HTR2C: variants seen among roughly 807,000 people sequenced by gnomAD.
HTR2C encodes 5-hydroxytryptamine (serotonin) receptor 2C, G protein-coupled.
Under a neutral mutation model 21.0 loss-of-function variants are expected in HTR2C, and 5 were observed. The ratio of observed to expected loss-of-function variants is 0.24; its 90% CI spans 0.12 to 0.50. HTR2C has a LOEUF of 0.50. Ranked by LOEUF, HTR2C falls within the 20% of genes least tolerant of loss-of-function variation. The pLI, the probability that HTR2C is intolerant of heterozygous loss-of-function variation, is 0.98. For synonymous variants in HTR2C, 150 were observed against 145.3 expected (o/e 1.03, Z -0.23); for missense variants, 271 against 371.2 (o/e 0.73, Z 2.22).
intron 2 of HTR2C, among the ~76,000 whole-genome samples, chrX:114,709,196 T>A (rs781857830): frequency 3.7e-4 from 41 of 112,327 alleles, no homozygotes; most frequent in Middle Eastern, 9.5e-3. Flanking sequence ...CTTTCTTTTA[T>A]CATTAAAAAG....
rs895940242 is a variant in HTR2C, at chrX:114,809,452, C to T, written c.350-38551C>T. ...AGGCTGGAGTGCAGTGGCGCGATCT[C>T]GGGTCACTGCAACCTCTGCCTCCTG... On this transcript the variant is annotated intron_variant, in intron 4 of 5. Transcript: ENST00000276198. Among the ~76,000 whole-genome samples, 16 of 105,893 alleles carry T rather than the reference C, an allele frequency of 1.5e-4. No individual in the cohort carries two copies. The East Asian group carries it at 3.3e-3, about 22-fold the overall frequency. 92.0% of individuals were successfully genotyped at this position (105,893 alleles called of 115,157 possible).
chrX:114,734,758 T>G (rs1233866238), intron 4 of HTR2C, among the ~76,000 whole-genome samples: 1 of 110,167 alleles, frequency 9.1e-6, no homozygotes, highest in Non-Finnish European at 1.9e-5. Context: ...TGAAACTGTT[T>G]TATATCTTGA....
At chrX:114,766,371 C>A (rs1376389386) in intron 4 of HTR2C, among the ~76,000 whole-genome samples, 1 of 111,142 alleles carries the variant, frequency 9.0e-6, no homozygotes, top group Admixed American at 9.6e-5. Flanking sequence ...TGGTTAGTCC[C>A]AGCAAGAGAT....
At chrX:114,853,130 T>G in intron 5 of HTR2C, among the ~76,000 whole-genome samples, 1 of 111,541 alleles carries the variant, frequency 9.0e-6, no homozygotes, top group East Asian at 2.8e-4. Context: ...AATTTGCATC[T>G]ATTTTATTTG....
At chrX:114,776,491 C>T in intron 4 of HTR2C, 2 of 560,742 alleles carry the variant, frequency 3.6e-6, no homozygotes, top group South Asian at 2.4e-5. Flanking sequence ...CAGTATCATT[C>T]ACCATCATGA....
chrX:114,789,608 TA>T (rs1326044496), intron 4 of HTR2C, among the ~76,000 whole-genome samples: 8 of 109,017 alleles, frequency 7.3e-5, no homozygotes, highest in African/African-American at 2.7e-4. Context: ...CTCTGAAAAT[TA>T]AAAAAAAAGG....
Position 114,726,975 on chromosome X carries a change from A to C in HTR2C, c.35+4A>C. The C allele has an allele frequency of 9.4e-7, 1 of 1,065,864 alleles. No individual in the cohort carries two copies. The highest frequency in any genetic ancestry group is 1.3e-6 in the Non-Finnish European group (1 of 796,732). The allele number at this position is 1,065,864 out of a possible 1,213,427, so 87.8% of individuals were successfully genotyped here. On this transcript the variant is annotated splice_donor_region_variant and intron_variant, in intron 3 of 5. Transcript: ENST00000276198. The stretch of plus-strand genomic sequence containing the variant: ...GGAATGCGGTGCATTCATTCCTGTA[A>C]GGATGTTACTACTTATTATTTTAGT...
chrX:114,881,476 T>G (rs181731274), intron 5 of HTR2C, among the ~76,000 whole-genome samples: 85 of 109,305 alleles, frequency 7.8e-4, no homozygotes, highest in African/African-American at 2.6e-3. Flanking sequence ...CCCCTTACTT[T>G]TAGGTCTTTG....
chrX:114,872,626 G>T (rs1410607616), intron 5 of HTR2C, among the ~76,000 whole-genome samples: 1 of 110,602 alleles, frequency 9.0e-6, no homozygotes, highest in Non-Finnish European at 1.9e-5. Context: ...TCCTGTTGTT[G>T]ATTTCTACTA....
rs1461664729 is a variant in HTR2C, at chrX:114,703,473, G to C, written c.-79-23385G>C. Among the ~76,000 whole-genome samples, 148 of 110,196 alleles carry C rather than the reference G, an allele frequency of 1.3e-3. 2 individuals are homozygous for C. Among genetic ancestry groups the C allele is most frequent in the African/African-American group, 4.6e-3 (139 of 30,407 alleles). On this transcript the variant is annotated intron_variant, in intron 2 of 5. Transcript: ENST00000276198. ...TCCTGAATGACTACTGGGTACATAA[G>C]GAAATGAAGGCAGACATAAAGATGT...
At chrX:114,901,160 A>C (rs1190751767) in intron 5 of HTR2C, among the ~76,000 whole-genome samples, 3 of 112,610 alleles carry the variant, frequency 2.7e-5, no homozygotes, top group Non-Finnish European at 3.7e-5. Context: ...AAAGATGTTA[A>C]AATCTGAAAG....
intron 5 of HTR2C, among the ~76,000 whole-genome samples, chrX:114,851,415 A>G (rs186181736): frequency 7.1e-5 from 8 of 112,079 alleles, no homozygotes; most frequent in African/African-American, 2.6e-4. Context: ...AAATTAAGAA[A>G]TTGTTTCCCA....
chrX:114,657,712 T>G (rs1930834319), intron 2 of HTR2C, among the ~76,000 whole-genome samples: 1 of 111,322 alleles, frequency 9.0e-6, no homozygotes, highest in Non-Finnish European at 1.9e-5. Context: ...TATATATTTT[T>G]TATTATGCTT....
intron 1 of HTR2C, among the ~76,000 whole-genome samples, chrX:114,603,424 G>A (rs1229782790): frequency 9.2e-6 from 1 of 108,514 alleles, no homozygotes; most frequent in Non-Finnish European, 1.9e-5. Flanking sequence ...GTAAGGTCAA[G>A]TTGTTTGGAC....
intron 2 of HTR2C, among the ~76,000 whole-genome samples, chrX:114,725,593 T>TG (rs1933427646): frequency 8.9e-6 from 1 of 112,245 alleles, no homozygotes; most frequent in African/African-American, 3.2e-5. Context: ...AGAGGCGCTC[T>TG]GCATTTTAGA....
intron 4 of HTR2C, among the ~76,000 whole-genome samples, chrX:114,747,471 C>T (rs781848592): frequency 2.7e-5 from 3 of 112,181 alleles, no homozygotes; most frequent in East Asian, 2.8e-4. Flanking sequence ...TAATTGTCTA[C>T]ACAGAAAATC....
chrX:114,804,590 T>C (rs1419929053), intron 4 of HTR2C, among the ~76,000 whole-genome samples: 1 of 111,854 alleles, frequency 8.9e-6, no homozygotes, highest in African/African-American at 3.2e-5. Flanking sequence ...ACAACATTAT[T>C]AAAAACATTT....
chrX:114,715,740 C>T (rs1288986927), intron 2 of HTR2C, among the ~76,000 whole-genome samples: 2 of 111,849 alleles, frequency 1.8e-5, no homozygotes, highest in Non-Finnish European at 3.8e-5. Context: ...GTACATGGAT[C>T]CATCTAATGT....
intron 5 of HTR2C, among the ~76,000 whole-genome samples, chrX:114,874,875 C>T (rs1556477667): frequency 9.0e-6 from 1 of 111,516 alleles, no homozygotes; most frequent in Admixed American, 9.6e-5. Flanking sequence ...ATATACCTGT[C>T]TGCCATTTGT....
Sources: gnomAD v4.1 joint callset for allele counts (sites outside exome capture counted in the v4.1 genomes callset) on GRCh38, gnomAD v4.1.1 for gene constraint, MANE v1.5 for transcripts, NCBI Gene and HGNC (gene_info 2026-07-23, HGNC 2026-07-21) for gene names.